Variants in LMTK3 observed in about 807,000 individuals in gnomAD.
LMTK3 encodes serine/threonine-protein kinase LMTK3.
LMTK3 carries 27 observed loss-of-function variants against 116.7 expected under a neutral mutation model. That is an observed-to-expected ratio of 0.23 (90% CI 0.17 to 0.32). LMTK3 has a LOEUF of 0.32. LMTK3 is among the 10% of genes least tolerant of loss of function. LMTK3 has a pLI of 1.00. For missense variants in LMTK3, 1,764 were observed against 2,068.5 expected (o/e 0.85, Z 2.86); for synonymous variants, 965 against 971.0 (o/e 0.99, Z 0.11).
rs576824703 is a variant in LMTK3, at chr19:48,500,170, C to G, written c.1152-253G>C. Among the ~76,000 whole-genome samples the G allele has an allele frequency of 4.7e-3, 714 of 150,574 alleles. 7 individuals are homozygous for G. The highest frequency in any genetic ancestry group is 8.1e-3 in the Non-Finnish European group (550 of 67,718). On this transcript the variant is annotated intron_variant, in intron 10 of 14. Coordinates refer to ENST00000600059, the MANE Select transcript of LMTK3 (RefSeq NM_001388485.1). The surrounding 1 kb of genome is among the most constrained non-coding windows in gnomAD (Gnocchi z 4.0). ...AGGCGTGGTGGCTCACGCCTGTAAT[C>G]CCAGCACTTTGGGAGGCTGAGGCCG...
chr19:48,503,869 CCCTT>C (rs1176342102), intron 5 of LMTK3, among the ~76,000 whole-genome samples: 1 of 148,348 alleles, frequency 6.7e-6, no homozygotes, highest in Non-Finnish European at 1.5e-5. Flanking sequence ...CTCCCTCCCT[CCCTT>C]CCTTCCTCTT....
rs772797720 is a variant in LMTK3 at position 48,497,303 on chromosome 19, C to G, written c.3676+90G>C. On this transcript the variant is annotated intron_variant, in intron 11 of 14. Coordinates refer to ENST00000600059, the MANE Select transcript of LMTK3 (RefSeq NM_001388485.1). This position sits in a 1 kb window ranked among gnomAD's most constrained non-coding sequence, Gnocchi z 5.7. ...CAGGACCTGCATTCATCACTGCCAG[C>G]CCGACCCGACATGTTTACCCACACT... 1 of 1,336,812 alleles carries G rather than the reference C, an allele frequency of 7.5e-7. No homozygotes were observed. The highest frequency in any genetic ancestry group is 9.7e-7 in the Non-Finnish European group (1 of 1,030,138). 82.8% of individuals were successfully genotyped at this position (1,336,812 alleles called of 1,614,324 possible). A position where few individuals can be genotyped will look rare whatever the true frequency, so the allele number is the denominator to read the frequency against.
At position 48,500,966 on chromosome 19, in the gene LMTK3, G is replaced by T; in HGVS notation, c.1151+30C>A. The T allele has an allele frequency of 6.8e-7, 1 of 1,473,884 alleles. No individual in the cohort carries two copies. The highest frequency in any genetic ancestry group is 9.0e-7 in the Non-Finnish European group (1 of 1,114,476). The allele number at this position is 1,473,884 out of a possible 1,614,324, so 91.3% of individuals were successfully genotyped here. A position where few individuals can be genotyped will look rare whatever the true frequency, so the allele number is the denominator to read the frequency against. ...GACCATCCTGGGTGGGGTGCGGCAG[G>T]CCAGGAGCCCCGGGTGGGCTAGCCC... On this transcript the variant is annotated intron_variant, in intron 10 of 14. Transcript: ENST00000600059. This position sits in a 1 kb window ranked among gnomAD's most constrained non-coding sequence, Gnocchi z 4.0.
rs543950759 is a variant in LMTK3 at position 48,500,292 on chromosome 19, C to T, written c.1152-375G>A. Among the ~76,000 whole-genome samples the T allele has an allele frequency of 6.6e-6, 1 of 152,330 alleles. No individual in the cohort carries two copies. Among genetic ancestry groups the T allele is most frequent in the African/African-American group, 2.4e-5 (1 of 41,572 alleles). ...ACAAAAAATTAGCCTAGCGTGGTGG[C>T]ACCTGCCTGTAATCCCAGCTACCTG... On this transcript the variant is annotated intron_variant, in intron 10 of 14. Coordinates refer to ENST00000600059, the MANE Select transcript of LMTK3 (RefSeq NM_001388485.1). The surrounding 1 kb of genome is among the most constrained non-coding windows in gnomAD (Gnocchi z 4.0).
Position 48,491,447 on chromosome 19 carries a change from G to C in LMTK3, c.4185C>G (p.Pro1395=). The C allele has an allele frequency of 7.0e-7, 1 of 1,426,412 alleles. No individual in the cohort carries two copies. Among genetic ancestry groups the C allele is most frequent in the South Asian group, 1.5e-5 (1 of 66,658 alleles). The allele number at this position is 1,426,412 out of a possible 1,614,324, so 88.4% of individuals were successfully genotyped here. ...TGGGAAACCCATCTCCGGGGGTGGC[G>C]GGGTGGGGAGGTGTCGGGGGCGCTG... ...TPPAPPTPPH[P]ATPGDGFPSN... is the part of the protein sequence containing the mutation. The change falls in exon 13 of 15, where the codon CCC becomes CCG. Residue 1395 remains proline, a synonymous_variant. Coordinates refer to ENST00000600059, the MANE Select transcript of LMTK3 (RefSeq NM_001388485.1). This position sits in a 1 kb window ranked among gnomAD's most constrained non-coding sequence, Gnocchi z 5.1.
chr19:48,491,331 T>G lies in LMTK3; in HGVS notation c.4228+73A>C, dbSNP rs1438967824. ...GTCCCGCCCCTCCCGACCAAGCCCCTCCCACCCCATAGACCCCGCCCCGTC... is the reference window on the plus strand; with the variant it reads ...GTCCCGCCCCTCCCGACCAAGCCCCGCCCACCCCATAGACCCCGCCCCGTC... On this transcript the variant is annotated intron_variant, in intron 13 of 14. Coordinates refer to ENST00000600059, the MANE Select transcript of LMTK3 (RefSeq NM_001388485.1). This position sits in a 1 kb window ranked among gnomAD's most constrained non-coding sequence, Gnocchi z 5.1. 2 of 573,994 alleles carry G rather than the reference T, an allele frequency of 3.5e-6. No individual in the cohort carries two copies. The highest frequency in any genetic ancestry group is 6.3e-5 in the South Asian group (2 of 31,710). 35.6% of individuals were successfully genotyped at this position (573,994 alleles called of 1,614,324 possible).
rs771329155 is a variant in LMTK3, at chr19:48,491,579, C to T, written c.4093-40G>A. 5.3e-6 allele frequency: 7 copies of T among 1,309,072 alleles called. 1 individual carries two copies. The Admixed American group carries it at 1.1e-4, about 20-fold the overall frequency. The allele number at this position is 1,309,072 out of a possible 1,614,324, so 81.1% of individuals were successfully genotyped here. A position where few individuals can be genotyped will look rare whatever the true frequency, so the allele number is the denominator to read the frequency against. Reference sequence around the variant, plus strand: ...TAGGGGGAAGCCAGAGGGGACAAACCTTCACGTCCCATTTACCGCATCCCC... The same window carrying T: ...TAGGGGGAAGCCAGAGGGGACAAACTTTCACGTCCCATTTACCGCATCCCC... On this transcript the variant is annotated intron_variant, in intron 12 of 14. Coordinates refer to ENST00000600059, the MANE Select transcript of LMTK3 (RefSeq NM_001388485.1). This position sits in a 1 kb window ranked among gnomAD's most constrained non-coding sequence, Gnocchi z 5.1.
chr19:48,509,461 C>T lies in LMTK3; in HGVS notation c.414G>A (p.Glu138=), dbSNP rs765247214. The T allele has an allele frequency of 1.0e-4, 162 of 1,559,858 alleles. No individual in the cohort carries two copies. The highest frequency in any genetic ancestry group is 1.3e-4 in the Non-Finnish European group (153 of 1,151,092). ...LSRQHLSYLQ[E]IGSGWFGKVI... is the part of the protein sequence containing the mutation. ...CCTTCCCAAACCAGCCACTCCCAAT[C>T]TCCTGCAGGTAGCTCAGGTGCTGCC... The change falls in exon 4 of 15, where the codon GAG becomes GAA. Residue 138 remains glutamate (E), a synonymous_variant. Transcript: ENST00000600059.
chr19:48,485,870 C>T (rs1041772685), intron 14 of LMTK3, 81 bp from the exon 15 acceptor site: 2 of 1,414,464 alleles, frequency 1.4e-6, no homozygotes, highest in African/African-American at 2.9e-5. Flanking sequence ...AGCGGAAAAG[C>T]AAAGCCCTCA....
intron 1 of LMTK3, 134 bp from the exon 2 acceptor site, chr19:48,510,726 C>G (rs1320139437): frequency 9.5e-7 from 1 of 1,048,164 alleles, no homozygotes; most frequent in African/African-American, 1.6e-5. Flanking sequence ...GGCAGAGGTG[C>G]AGAGTGGCCC....
intron 1 of LMTK3, 39 bp from the exon 2 acceptor site, chr19:48,510,631 T>A (rs371188790): frequency 5.3e-6 from 8 of 1,504,122 alleles, no homozygotes; most frequent in African/African-American, 4.3e-5. Flanking sequence ...CAGCTTCAAG[T>A]CCCTGGATAC....
intron 5 of LMTK3, among the ~76,000 whole-genome samples, chr19:48,504,733 A>G (rs1256912624): frequency 6.6e-6 from 1 of 152,124 alleles, no homozygotes; most frequent in East Asian, 1.9e-4. Context: ...TTTTTAGTAG[A>G]TAATGGGTTT....
Position 48,491,669 on chromosome 19 carries a change from C to T in LMTK3, c.4093-130G>A. ...GAATCCCAATTTGTAATCACTGACT[C>T]GCACGCTCTGGAGAGGTGGCTGGAG... On this transcript the variant is annotated intron_variant, in intron 12 of 14. Transcript: ENST00000600059. The surrounding 1 kb of genome is among the most constrained non-coding windows in gnomAD (Gnocchi z 5.1). The T allele has an allele frequency of 2.3e-6, 2 of 862,662 alleles. No individual in the cohort carries two copies. Among genetic ancestry groups the T allele is most frequent in the Non-Finnish European group, 3.1e-6 (2 of 642,596 alleles). 53.4% of individuals were successfully genotyped at this position (862,662 alleles called of 1,614,324 possible). A position where few individuals can be genotyped will look rare whatever the true frequency, so the allele number is the denominator to read the frequency against.
chr19:48,509,280 G>A (rs1206408222), intron 4 of LMTK3, among the ~76,000 whole-genome samples, 157 bp downstream of exon 4: 2 of 151,948 alleles, frequency 1.3e-5, no homozygotes, highest in East Asian at 1.9e-4. Flanking sequence ...GCGGGTGGGA[G>A]CCGGTGAGAG....
Position 48,494,537 on chromosome 19 carries a change from G to A in LMTK3, c.3677-428C>T, listed in dbSNP as rs1225915089. Among the ~76,000 whole-genome samples, 2 of 152,226 alleles carry A rather than the reference G, an allele frequency of 1.3e-5. No homozygotes were observed. The highest frequency in any genetic ancestry group is 3.9e-4 in the East Asian group (2 of 5,184). On this transcript the variant is annotated intron_variant, in intron 11 of 14. Coordinates refer to ENST00000600059, the MANE Select transcript of LMTK3 (RefSeq NM_001388485.1). This position sits in a 1 kb window ranked among gnomAD's most constrained non-coding sequence, Gnocchi z 4.0. ...GTAGAGACGGGGTTTCACCATGCTG[G>A]CCAGGCTGGTCTTGAACTCCTGACC...
At chr19:48,512,401 G>A (rs1383752448), upstream of LMTK3, among the ~76,000 whole-genome samples, 1 of 151,962 alleles carries the variant, frequency 6.6e-6, no homozygotes, top group African/African-American at 2.4e-5. Context: ...ATCCACAGAC[G>A]CACACGCCAC....
chr19:48,511,448 G>T, intron 1 of LMTK3, 53 bp downstream of exon 1: 1 of 794,902 alleles, frequency 1.3e-6, no homozygotes, highest in Non-Finnish European at 1.8e-6. Flanking sequence ...CAGACAGCGA[G>T]GCCGCCGCGG....
upstream of LMTK3, chr19:48,513,578 C>T (rs1271765522): frequency 1.7e-5 from 4 of 240,604 alleles, no homozygotes; most frequent in African/African-American, 2.3e-5. This position sits in a 1 kb window ranked among gnomAD's most constrained non-coding sequence, Gnocchi z 5.6. Flanking sequence ...TGGGCGCGGA[C>T]CTCTCCATCG....
chr19:48,509,253 C>T (rs1207468681), intron 4 of LMTK3, among the ~76,000 whole-genome samples, 184 bp downstream of exon 4: 1 of 149,442 alleles, frequency 6.7e-6, no homozygotes, highest in Non-Finnish European at 1.5e-5. Context: ...CGCTGACTGA[C>T]AGATGTCGGG....
Sources: allele counts gnomAD v4.1 joint callset (sites outside exome capture counted in the v4.1 genomes callset), GRCh38; gene constraint gnomAD v4.1.1; non-coding constraint Gnocchi (gnomAD v3.1); transcripts MANE v1.5; gene names NCBI Gene and HGNC (gene_info 2026-07-23, HGNC 2026-07-21).